Variants in SCN1A observed in about 807,000 individuals in gnomAD.
SCN1A encodes sodium channel protein type 1 subunit alpha.
In SCN1A, 13 loss-of-function variants were observed where a neutral mutation model predicts 193.7. That is an observed-to-expected ratio of 0.07 (90% CI 0.04 to 0.11). SCN1A has a LOEUF of 0.11. Among genes scored for constraint, SCN1A ranks in the 10% least tolerant of loss-of-function variants. The pLI is 1.00. For synonymous variants in SCN1A, 781 were observed against 843.6 expected, an observed-to-expected ratio of 0.93 and a Z score of 1.29; for missense variants, 1,432 against 2,451.1, an observed-to-expected ratio of 0.58 and a Z score of 8.78.
Position 166,010,691 on chromosome 2 carries a change from AT to A in SCN1A, c.3880-851del, listed in dbSNP as rs779835313. Reference sequence around the variant, plus strand: ...GAGAATTCCGCATATACTGCACACTATTTTTGTAAACTTTTCTTTTTTAAAA... The same window carrying A: ...GAGAATTCCGCATATACTGCACACTATTTTGTAAACTTTTCTTTTTTAAAA... On this transcript the variant is annotated intron_variant, in intron 22 of 28. Coordinates refer to ENST00000674923, the MANE Select transcript of SCN1A (RefSeq NM_001165963.4). Among the ~76,000 whole-genome samples the A allele has an allele frequency of 1.9e-4, 28 of 151,304 alleles. No individual in the cohort carries two copies. In the Middle Eastern group the frequency reaches 0.01, roughly 55 times the overall value.
At chr2:166,067,279 T>G (rs1683940566) in intron 4 of SCN1A, among the ~76,000 whole-genome samples, 2 of 152,076 alleles carry the variant, frequency 1.3e-5, no homozygotes, top group Admixed American at 1.3e-4. Flanking sequence ...ATGGTGATGT[T>G]GATAAAAATG....
chr2:166,035,861 G>T (rs972942863), intron 19 of SCN1A, among the ~76,000 whole-genome samples, 187 bp downstream of exon 19: 1 of 151,964 alleles, frequency 6.6e-6, no homozygotes, highest in Non-Finnish European at 1.5e-5. Flanking sequence ...TTGCTAGCCT[G>T]GGAAAAGATC....
At chr2:166,006,680 C>A (rs1324872832) in intron 23 of SCN1A, among the ~76,000 whole-genome samples, 1 of 151,230 alleles carries the variant, frequency 6.6e-6, no homozygotes, top group African/African-American at 2.4e-5. Context: ...TTGAAAATAA[C>A]CCCATATGAA....
chr2:166,144,334 A>G (rs1258682585), intron 1 of SCN1A, among the ~76,000 whole-genome samples: 1 of 152,202 alleles, frequency 6.6e-6, no homozygotes, highest in Non-Finnish European at 1.5e-5. Context: ...CTGGGTCATC[A>G]GTGTGGTACC....
intron 20 of SCN1A, 64 bp from the exon 21 acceptor site, chr2:166,013,962 T>G (rs773424623): frequency 3.6e-5 from 57 of 1,569,772 alleles, no homozygotes; most frequent in Non-Finnish European, 4.8e-5. Context: ...CCTTTAGCAA[T>G]GTCCTTGTCT....
intron 4 of SCN1A, among the ~76,000 whole-genome samples, chr2:166,072,177 T>G (rs1008805510): frequency 1.3e-5 from 2 of 152,102 alleles, no homozygotes; most frequent in Admixed American, 1.3e-4. Context: ...ACAAAAAAAT[T>G]TACTTAATTA....
chr2:166,025,817 T>C lies in SCN1A; in HGVS notation c.3430-10090A>G, dbSNP rs193201605. Among the ~76,000 whole-genome samples the C allele has an allele frequency of 1.3e-5, 2 of 152,344 alleles. 1 individual carries two copies. Among genetic ancestry groups the C allele is most frequent in the East Asian group, 3.9e-4 (2 of 5,192 alleles). ...TTCTCAAAGATATTTGTTAGGTTCT[T>C]TCATCCCTTCTTAATCATATTAGTA... On this transcript the variant is annotated intron_variant, in intron 19 of 28. Coordinates refer to ENST00000674923, the MANE Select transcript of SCN1A (RefSeq NM_001165963.4).
chr2:166,070,738 C>G (rs1210208177), intron 4 of SCN1A, among the ~76,000 whole-genome samples: 2 of 152,118 alleles, frequency 1.3e-5, no homozygotes, highest in African/African-American at 4.8e-5. Flanking sequence ...GAGACAATCA[C>G]TTTTATCAGT....
At chr2:166,035,018 T>TTATGGCAGTCCAAACAGGCTAATGCA (rs1332146230) in intron 19 of SCN1A, among the ~76,000 whole-genome samples, 17 of 152,202 alleles carry the variant, frequency 1.1e-4, no homozygotes, top group African/African-American at 4.1e-4. Flanking sequence ...TGGTATAGTG[T>TTATGGCAGTCCAAACAGGCTAATGCA]TATGGCAGTC....
At position 166,041,479 on chromosome 2, in the gene SCN1A, GA is replaced by G. The variant is rs11394960; in HGVS notation, c.2177-11del. Reference sequence around the variant, plus strand: ...CTGGATTCTTCAAGTTCTAGATTAAGAAAAAAAAAAAAAAGAACCACCAAAA... The same window carrying G: ...CTGGATTCTTCAAGTTCTAGATTAAGAAAAAAAAAAAAAGAACCACCAAAA... On this transcript the variant is annotated splice_polypyrimidine_tract_variant and intron_variant, in intron 15 of 28. Coordinates refer to ENST00000674923, the MANE Select transcript of SCN1A (RefSeq NM_001165963.4). The G allele has an allele frequency of 0.016, 18,165 of 1,117,204 alleles. 10 individuals are homozygous for G. The highest frequency in any genetic ancestry group is 0.036 in the Middle Eastern group (140 of 3,838). The allele number at this position is 1,117,204 out of a possible 1,614,324, so 69.2% of individuals were successfully genotyped here.
chr2:166,073,298 A>G (rs1300031591), intron 4 of SCN1A, 60 bp downstream of exon 4: 7 of 1,596,394 alleles, frequency 4.4e-6, no homozygotes, highest in Non-Finnish European at 6.0e-6. Context: ...TGGTGCTACA[A>G]CAGTCCAAGG....
At chr2:166,031,939 T>C (rs1695615276) in intron 19 of SCN1A, among the ~76,000 whole-genome samples, 1 of 152,108 alleles carries the variant, frequency 6.6e-6, no homozygotes, top group South Asian at 2.1e-4. Flanking sequence ...ACCAACTTTA[T>C]AACTGTGGCC....
At chr2:166,082,293 G>A (rs1370731691) in intron 2 of SCN1A, among the ~76,000 whole-genome samples, 2 of 151,946 alleles carry the variant, frequency 1.3e-5, no homozygotes, top group African/African-American at 2.4e-5. Context: ...CCCAGGTTAC[G>A]CAGCTTATTA....
intron 28 of SCN1A, chr2:165,993,595 T>C (rs762492726): frequency 2.1e-4 from 33 of 155,610 alleles, no homozygotes; most frequent in Non-Finnish European, 4.0e-4. Context: ...TGTGCATCAT[T>C]ATGATAAACC....
At chr2:166,099,002 A>G (rs545027647) in intron 2 of SCN1A, among the ~76,000 whole-genome samples, 2 of 152,222 alleles carry the variant, frequency 1.3e-5, no homozygotes, top group Non-Finnish European at 2.9e-5. Context: ...CAGAATTAGA[A>G]AAACTATTTG....
chr2:166,102,236 C>A (rs1306138149), intron 2 of SCN1A, among the ~76,000 whole-genome samples: 1 of 152,306 alleles, frequency 6.6e-6, no homozygotes, highest in Non-Finnish European at 1.5e-5. Flanking sequence ...GTGACTCGCG[C>A]CTGCAATCCC....
intron 2 of SCN1A, among the ~76,000 whole-genome samples, chr2:166,102,679 C>T (rs1172757659): frequency 6.6e-6 from 1 of 151,958 alleles, no homozygotes; most frequent in Non-Finnish European, 1.5e-5. Flanking sequence ...ACCATTTGAC[C>T]CAGCAATCCC....
chr2:166,062,761 G>C (rs1169129164), intron 4 of SCN1A, among the ~76,000 whole-genome samples: 1 of 152,050 alleles, frequency 6.6e-6, no homozygotes, highest in Non-Finnish European at 1.5e-5. Flanking sequence ...CAAGATTTAT[G>C]AACTATTAAA....
intron 2 of SCN1A, among the ~76,000 whole-genome samples, chr2:166,096,659 C>T (rs1687419559): frequency 2.0e-5 from 3 of 152,072 alleles, no homozygotes; most frequent in Non-Finnish European, 4.4e-5. Flanking sequence ...AAGTGGTATC[C>T]ATTATTTTTT....
Sources: allele counts gnomAD v4.1 joint callset (sites outside exome capture counted in the v4.1 genomes callset), GRCh38; gene constraint gnomAD v4.1.1; transcripts MANE v1.5; gene names NCBI Gene and HGNC (gene_info 2026-07-23, HGNC 2026-07-21).